The following THAP4 variants were observed in gnomAD, a reference collection of about 807,000 sequenced individuals.
The protein encoded by THAP4 is THAP domain containing 4, also known as peroxynitrite isomerase THAP4.
A neutral mutation model predicts 48.1 loss-of-function variants in THAP4; 18 were observed. That is an observed-to-expected ratio of 0.37 (90% CI 0.26 to 0.56). The LOEUF is 0.56. THAP4 is among the 20% of genes least tolerant of loss of function. THAP4 has a pLI of 0.78. For missense variants in THAP4, 656 were observed against 774.9 expected, an observed-to-expected ratio of 0.85 and a Z score of 1.82; for synonymous variants, 345 against 324.9, an observed-to-expected ratio of 1.06 and a Z score of -0.66.
In THAP4 at chr2:241,610,640, C is replaced by A. The variant is rs144726460; in HGVS notation, c.1241-4167G>T. On this transcript the variant is annotated intron_variant, in intron 2 of 5. Coordinates refer to ENST00000407315, the MANE Select transcript of THAP4 (RefSeq NM_015963.6). The surrounding 1 kb of genome is among the most constrained non-coding windows in gnomAD (Gnocchi z 4.2). Reference sequence around the variant, plus strand: ...TTCTCCCGGCCCCTCATCTACTTGGCAGACGCCTCTCACCGGCAGCCTCTG... The same window carrying A: ...TTCTCCCGGCCCCTCATCTACTTGGAAGACGCCTCTCACCGGCAGCCTCTG... Among the ~76,000 whole-genome samples, 574 of 152,154 alleles carry A rather than the reference C, an allele frequency of 3.8e-3. No homozygotes were observed. Among genetic ancestry groups the A allele is most frequent in the African/African-American group, 0.013 (539 of 41,534 alleles).
intron 2 of THAP4, 90 bp downstream of exon 2, chr2:241,632,827 C>T: frequency 9.5e-7 from 1 of 1,053,792 alleles, no homozygotes; most frequent in Non-Finnish European, 1.3e-6. Context: ...TGTGACACCT[C>T]CCAGAAATGC....
rs765039479 is a variant in THAP4, at chr2:241,633,835, C to T, written c.322G>A (p.Ala108Thr). Reference sequence around the variant, plus strand: ...GAGTGTCCCCTCACACCCCCTGTGGCCTTGCTGGCATCTTTTCTCCGGGTG... The same window carrying T: ...GAGTGTCCCCTCACACCCCCTGTGGTCTTGCTGGCATCTTTTCTCCGGGTG... ...GRTRRKDASK[A>T]TGGVRGHSSA... The change falls in exon 2 of 6, where the codon GCC becomes ACC. Residue 108 changes from alanine to threonine, a missense_variant. Ala to Thr is a moderately conservative substitution (Grantham distance 58, BLOSUM62 0). Transcript: ENST00000407315. This position sits in a 1 kb window ranked among gnomAD's most constrained non-coding sequence, Gnocchi z 7.5. 1.9e-6 allele frequency: 3 copies of T among 1,613,836 alleles called. No individual in the cohort carries two copies. Among genetic ancestry groups the T allele is most frequent in the African/African-American group, 2.7e-5 (2 of 75,058 alleles).
At chr2:241,637,229 T>C (rs929241689), upstream of THAP4, 4 of 1,000,238 alleles carry the variant, frequency 4.0e-6, no homozygotes, top group Non-Finnish European at 4.8e-6. Flanking sequence ...AGCCGCGGGT[T>C]CGGGCGTCTT....
chr2:241,585,407 G>C (rs1349848751), intron 5 of THAP4, among the ~76,000 whole-genome samples: 1 of 146,088 alleles, frequency 6.8e-6, no homozygotes, highest in African/African-American at 2.5e-5. Context: ...CATGTGGGGT[G>C]GGGGGCACCA....
chr2:241,614,931 T>A (rs1559228322), intron 2 of THAP4, among the ~76,000 whole-genome samples: 1 of 151,974 alleles, frequency 6.6e-6, no homozygotes, highest in Non-Finnish European at 1.5e-5. Flanking sequence ...AACTAAGGAA[T>A]GCCTTCTTCA....
chr2:241,609,786 A>T (rs1451106461), intron 2 of THAP4, among the ~76,000 whole-genome samples: 7 of 151,604 alleles, frequency 4.6e-5, no homozygotes, highest in Non-Finnish European at 8.8e-5. Context: ...TTTTCTCAAA[A>T]AAAAAAAAAG....
chr2:241,594,657 G>A, intron 5 of THAP4: 1 of 252,968 alleles, frequency 4.0e-6, no homozygotes, highest in Non-Finnish European at 8.0e-6. Context: ...ACTTGGGAGG[G>A]CGAGGTGGGA....
chr2:241,633,862 G>A lies in THAP4; in HGVS notation c.295C>T (p.Arg99Cys), dbSNP rs748517076. Residue 99 changes from arginine (R) to cysteine (C), a missense_variant, in exon 2 of 6, where the codon CGC (arginine) becomes TGC (cysteine). Around this residue, in one of 4 missense-constraint regions of THAP4, gnomAD observed 391 missense variants for 412.4 expected, o/e 0.95. Coordinates refer to ENST00000407315, the MANE Select transcript of THAP4 (RefSeq NM_015963.6). This position sits in a 1 kb window ranked among gnomAD's most constrained non-coding sequence, Gnocchi z 7.5. ...TTGCTGGCATCTTTTCTCCGGGTGC[G>A]GCCATGGCCTCCAGCCCCCCTCTTC... The part of the protein sequence containing the change: ...EKKRGAGGHG[R>C]TRRKDASKAT... 1.4e-5 allele frequency: 22 copies of A among 1,613,742 alleles called. No homozygotes were observed. The highest frequency in any genetic ancestry group is 8.3e-5 in the Admixed American group (5 of 60,020).
At chr2:241,600,994 T>C (rs2125075496) in intron 5 of THAP4, among the ~76,000 whole-genome samples, 1 of 150,692 alleles carries the variant, frequency 6.6e-6, no homozygotes, top group Non-Finnish European at 1.5e-5. Flanking sequence ...AAAAGGACAA[T>C]CTGGCCGGGC....
chr2:241,637,467 C>T (rs1312911634), upstream of THAP4: 1 of 1,459,238 alleles, frequency 6.9e-7, no homozygotes, highest in Non-Finnish European at 9.0e-7. Flanking sequence ...CACAGTGTCC[C>T]GTCGGACAGC....
At chr2:241,597,115 A>T (rs1349797040) in intron 5 of THAP4, among the ~76,000 whole-genome samples, 5 of 152,166 alleles carry the variant, frequency 3.3e-5, no homozygotes, top group Admixed American at 3.3e-4. Flanking sequence ...GGGGTCTGTC[A>T]GTCCGTCACT....
chr2:241,591,094 G>A (rs1204216610), intron 5 of THAP4, among the ~76,000 whole-genome samples: 6 of 145,878 alleles, frequency 4.1e-5, no homozygotes, highest in African/African-American at 7.6e-5. Context: ...TGGGCACTAG[G>A]ACAGACAGAA....
At chr2:241,589,016 G>A (rs1368744683) in intron 5 of THAP4, among the ~76,000 whole-genome samples, 7 of 151,972 alleles carry the variant, frequency 4.6e-5, no homozygotes, top group East Asian at 1.9e-4. Context: ...GGTCGAGACC[G>A]GCCTGGCCAA....
chr2:241,611,667 T>C (rs1216175354), intron 2 of THAP4, among the ~76,000 whole-genome samples: 1 of 146,842 alleles, frequency 6.8e-6, no homozygotes, highest in Non-Finnish European at 1.5e-5. Context: ...CAGGTTGCAG[T>C]GAGCCGAGAT....
intron 5 of THAP4, among the ~76,000 whole-genome samples, chr2:241,597,830 C>A (rs1291590825): frequency 6.6e-6 from 1 of 152,200 alleles, no homozygotes; most frequent in African/African-American, 2.4e-5. Flanking sequence ...GCAGGGGCTG[C>A]ATGGCACAGA....
chr2:241,634,239 A>G (rs528183276), intron 1 of THAP4, among the ~76,000 whole-genome samples, 160 bp from the exon 2 acceptor site: 2 of 152,334 alleles, frequency 1.3e-5, no homozygotes, highest in African/African-American at 2.4e-5. Flanking sequence ...AACATCTTCT[A>G]CCTGCAGTTA....
intron 5 of THAP4, 74 bp from the exon 6 acceptor site, chr2:241,584,799 G>A: frequency 6.4e-7 from 1 of 1,572,506 alleles, no homozygotes; most frequent in Admixed American, 1.7e-5. Context: ...TGCGCCCACT[G>A]CATGCCACAC....
rs753058230 is a variant in THAP4 at position 241,603,091 on chromosome 2, G to A, written c.1401-12C>T. On this transcript the variant is annotated splice_polypyrimidine_tract_variant and intron_variant, in intron 3 of 5. Coordinates refer to ENST00000407315, the MANE Select transcript of THAP4 (RefSeq NM_015963.6). ...GGAAGGAGTTGAACCTGGACGGGAA[G>A]TTGGAGTTGAGAAGCCCAGGCACTG... is the stretch of plus-strand genomic sequence containing the variant. The A allele has an allele frequency of 6.2e-6, 10 of 1,610,376 alleles. No homozygotes were observed. In the Admixed American group the frequency reaches 1.5e-4, roughly 24 times the overall value.
intron 5 of THAP4, chr2:241,591,977 GC>G (rs2066986119): frequency 6.6e-6 from 1 of 152,228 alleles, no homozygotes; most frequent in African/African-American, 2.4e-5. Context: ...AGCTAACAGA[GC>G]TTTATTCAAA....
Sources: gnomAD v4.1 joint callset for allele counts (sites outside exome capture counted in the v4.1 genomes callset) on GRCh38, gnomAD v4.1.1 for gene constraint, gnomAD v4.1.1 regional missense constraint, Gnocchi (gnomAD v3.1) non-coding constraint, MANE v1.5 for transcripts, NCBI Gene and HGNC (gene_info 2026-07-23, HGNC 2026-07-21) for gene names.